The following PLCG2 variants were observed in gnomAD, a reference collection of about 807,000 sequenced individuals.
PLCG2 encodes phospholipase C gamma 2.
Under a neutral mutation model 175.6 loss-of-function variants are expected in PLCG2, and 69 were observed. That is an observed-to-expected ratio of 0.39 (90% CI 0.32 to 0.48). The LOEUF is 0.48. Among genes scored for constraint, PLCG2 ranks in the 20% least tolerant of loss-of-function variants. The pLI is 0.91. For missense variants in PLCG2, 1,798 were observed against 1,650.9 expected, an observed-to-expected ratio of 1.09 and a Z score of -1.54; for synonymous variants, 827 against 624.0, an observed-to-expected ratio of 1.33 and a Z score of -4.85.
chr16:81,855,011 A>C (rs1906610824), intron 3 of PLCG2, among the ~76,000 whole-genome samples: 1 of 152,014 alleles, frequency 6.6e-6, no homozygotes, highest in Admixed American at 6.6e-5. Context: ...GGAGTTTGAG[A>C]CCAGCATGGC....
intron 2 of PLCG2, among the ~76,000 whole-genome samples, chr16:81,826,653 G>A (rs185771903): frequency 1.6e-4 from 24 of 152,236 alleles, no homozygotes; most frequent in Non-Finnish European, 2.4e-4. Context: ...CATTAACCAC[G>A]TCCTCTCAGT....
chr16:81,846,997 G>C (rs1287327384), intron 2 of PLCG2, among the ~76,000 whole-genome samples: 1 of 152,178 alleles, frequency 6.6e-6, no homozygotes, highest in Non-Finnish European at 1.5e-5. Context: ...GCTAGAATCA[G>C]ATTCCACAGG....
At chr16:81,871,576 G>C (rs1336394312) in intron 7 of PLCG2, among the ~76,000 whole-genome samples, 1 of 152,154 alleles carries the variant, frequency 6.6e-6, no homozygotes, top group African/African-American at 2.4e-5. Context: ...AACCTCAACT[G>C]ATCGGCCCGC....
intron 2 of PLCG2, among the ~76,000 whole-genome samples, chr16:81,828,090 CAAAAAAAAAAA>C (rs763973143): frequency 2.0e-5 from 1 of 50,074 alleles, no homozygotes. Flanking sequence ...AACTCCGTCT[CAAAAAAAAAAA>C]AAAAAAAAAA....
At chr16:81,874,472 G>A (rs1401449845) in intron 7 of PLCG2, among the ~76,000 whole-genome samples, 3 of 152,210 alleles carry the variant, frequency 2.0e-5, no homozygotes, top group African/African-American at 7.2e-5. Flanking sequence ...CCAGCTCTAA[G>A]AACCTCACTG....
At chr16:81,879,507 G>A (rs1427109743) in intron 7 of PLCG2, among the ~76,000 whole-genome samples, 2 of 152,110 alleles carry the variant, frequency 1.3e-5, no homozygotes, top group Non-Finnish European at 2.9e-5. Flanking sequence ...AACTGATGTG[G>A]ACTCTCTGAT....
upstream of PLCG2, among the ~76,000 whole-genome samples, chr16:81,778,829 T>G (rs1431703220): frequency 1.3e-5 from 2 of 152,010 alleles, no homozygotes; most frequent in Non-Finnish European, 2.9e-5. Flanking sequence ...ATTTATTTAT[T>G]TTTGAGACGG....
At chr16:81,749,085 G>T (rs757976316) in intron 1 of PLCG2, among the ~76,000 whole-genome samples, 8 of 152,084 alleles carry the variant, frequency 5.3e-5, no homozygotes, top group African/African-American at 1.9e-4. Flanking sequence ...TCACAAGGGG[G>T]CCCCTCAGTC....
chr16:81,794,844 C>T (rs941927328), intron 2 of PLCG2, among the ~76,000 whole-genome samples: 27 of 152,188 alleles, frequency 1.8e-4, no homozygotes, highest in African/African-American at 5.1e-4. Context: ...GATTTTCCTT[C>T]CTGCACCCGA....
chr16:81,819,290 T>C (rs992761402), intron 2 of PLCG2, among the ~76,000 whole-genome samples: 1 of 152,196 alleles, frequency 6.6e-6, no homozygotes, highest in Non-Finnish European at 1.5e-5. Context: ...CCTGGGGGTG[T>C]TGGATTCCCA....
intron 2 of PLCG2, among the ~76,000 whole-genome samples, chr16:81,816,939 G>T (rs958095611): frequency 6.6e-6 from 1 of 152,158 alleles, no homozygotes; most frequent in African/African-American, 2.4e-5. Flanking sequence ...CTGGTCTAGA[G>T]TCTTCTCTGA....
intron 2 of PLCG2, among the ~76,000 whole-genome samples, chr16:81,848,159 C>T (rs1348510384): frequency 2.0e-5 from 3 of 152,172 alleles, no homozygotes; most frequent in African/African-American, 4.8e-5. Context: ...GGATCAAGAG[C>T]GCAGAAATAG....
rs576647845 is a variant in PLCG2 at position 81,889,087 on chromosome 16, C to T, written c.766-85C>T. 186 of 784,976 alleles carry T rather than the reference C, an allele frequency of 2.4e-4. No individual in the cohort carries two copies. In the African/African-American group the frequency reaches 2.6e-3, roughly 11 times the overall value. The allele number at this position is 784,976 out of a possible 1,614,324, so 48.6% of individuals were successfully genotyped here. A position where few individuals can be genotyped will look rare whatever the true frequency, so the allele number is the denominator to read the frequency against. ...CGGAATTGGTTGATGTTTCAGTCTT[C>T]GATTGCGACTGGATGGACCCTGGGA... On this transcript the variant is annotated intron_variant, in intron 9 of 32. Coordinates refer to ENST00000564138, the MANE Select transcript of PLCG2 (RefSeq NM_002661.5).
chr16:81,952,263 T>TTA (rs965993852), intron 31 of PLCG2, among the ~76,000 whole-genome samples: 9 of 151,378 alleles, frequency 5.9e-5, no homozygotes, highest in Non-Finnish European at 1.3e-4. Flanking sequence ...ACATATATAT[T>TTA]TATATATATA....
chr16:81,844,143 ATTTTTT>A (rs60183943), intron 2 of PLCG2, among the ~76,000 whole-genome samples: 13 of 93,908 alleles, frequency 1.4e-4, no homozygotes, highest in African/African-American at 4.5e-4. Context: ...CACCCGGCTG[ATTTTTT>A]TTTTTTTTTT....
At chr16:81,755,401 T>G (rs1410196127) in intron 1 of PLCG2, among the ~76,000 whole-genome samples, 3 of 149,784 alleles carry the variant, frequency 2.0e-5, no homozygotes, top group African/African-American at 7.4e-5. Context: ...AGATGAGGTG[T>G]CACTATGTTG....
At chr16:81,856,470 C>T (rs996800133) in intron 3 of PLCG2, among the ~76,000 whole-genome samples, 4 of 152,140 alleles carry the variant, frequency 2.6e-5, no homozygotes, top group African/African-American at 4.8e-5. Flanking sequence ...TAATAGCAAC[C>T]ATGGGTATTA....
intron 1 of PLCG2, among the ~76,000 whole-genome samples, chr16:81,784,575 C>G (rs1347948252): frequency 2.0e-5 from 3 of 152,134 alleles, no homozygotes; most frequent in African/African-American, 7.2e-5. Context: ...AGTAACAACT[C>G]CAGGCACCTC....
chr16:81,765,776 T>A (rs1910136783), intron 2 of PLCG2, among the ~76,000 whole-genome samples: 1 of 152,206 alleles, frequency 6.6e-6, no homozygotes, highest in Non-Finnish European at 1.5e-5. Flanking sequence ...TAGCCCCTTC[T>A]GAATGGTCTG....
Sources: allele counts gnomAD v4.1 joint callset (sites outside exome capture counted in the v4.1 genomes callset), GRCh38; gene constraint gnomAD v4.1.1; transcripts MANE v1.5; gene names NCBI Gene and HGNC (gene_info 2026-07-23, HGNC 2026-07-21).